Variants in DPP6 observed in about 807,000 individuals in gnomAD.
DPP6 encodes A-type potassium channel modulatory protein DPP6.
Under a neutral mutation model 122.6 loss-of-function variants are expected in DPP6, and 69 were observed. The observed-to-expected ratio is 0.56, with a 90% CI of 0.46 to 0.69. The LOEUF is 0.69. Among genes scored for constraint, DPP6 ranks in the 30% least tolerant of loss-of-function variants. The pLI is 0.00. For missense variants in DPP6, 928 were observed against 1,116.9 expected (o/e 0.83, Z 2.41); for synonymous variants, 418 against 433.1 (o/e 0.97, Z 0.43).
the DPP6 span, among the ~76,000 whole-genome samples, chr7:153,764,150 G>A: frequency 2.6e-5 from 4 of 152,010 alleles, no homozygotes; most frequent in African/African-American, 9.7e-5. Context: ...TAAAATGCCC[G>A]GCCTAGTCTA....
chr7:154,386,237 C>T (rs979763605), intron 1 of DPP6, among the ~76,000 whole-genome samples: 1 of 152,132 alleles, frequency 6.6e-6, no homozygotes, highest in African/African-American at 2.4e-5. Context: ...TCCATCCTCT[C>T]GCATTTCCAG....
chr7:153,970,423 C>A (rs1178812581), intron 1 of DPP6, among the ~76,000 whole-genome samples: 3 of 152,100 alleles, frequency 2.0e-5, no homozygotes, highest in Non-Finnish European at 4.4e-5. Context: ...ATAGCTTATT[C>A]CAATATGTGG....
chr7:154,851,128 G>A (rs1257069210), intron 16 of DPP6, among the ~76,000 whole-genome samples: 1 of 152,112 alleles, frequency 6.6e-6, no homozygotes, highest in Non-Finnish European at 1.5e-5. Flanking sequence ...TTTCTTTAGT[G>A]TCTTTTAGAA....
At chr7:154,200,279 G>A (rs993974582) in intron 1 of DPP6, among the ~76,000 whole-genome samples, 2 of 151,998 alleles carry the variant, frequency 1.3e-5, no homozygotes, top group African/African-American at 4.8e-5. Context: ...CATATAATTT[G>A]TAAAGAGCAA....
At chr7:153,851,391 A>G in the DPP6 span, among the ~76,000 whole-genome samples, 11 of 152,204 alleles carry the variant, frequency 7.2e-5, no homozygotes, top group African/African-American at 2.4e-4. Flanking sequence ...TACCCTGATT[A>G]AGTATAGAAT....
intron 16 of DPP6, among the ~76,000 whole-genome samples, chr7:154,837,374 TCA>T (rs1801170163): frequency 1.3e-5 from 2 of 152,004 alleles, no homozygotes; most frequent in African/African-American, 2.4e-5. Context: ...ACAGGCACAT[TCA>T]CACATGCACG....
intron 3 of DPP6, among the ~76,000 whole-genome samples, chr7:154,496,599 G>A (rs1824761185): frequency 6.6e-6 from 1 of 152,186 alleles, no homozygotes; most frequent in African/African-American, 2.4e-5. Flanking sequence ...TGTGCTGGGG[G>A]TCTTCGACTC....
intron 8 of DPP6, among the ~76,000 whole-genome samples, chr7:154,751,817 C>CA (rs1049793268): frequency 2.0e-5 from 3 of 151,826 alleles, no homozygotes; most frequent in Non-Finnish European, 4.4e-5. Context: ...GAAGAAGCAA[C>CA]GTGGGAGGGC....
chr7:154,609,036 C>T (rs758562323), intron 5 of DPP6, among the ~76,000 whole-genome samples: 9 of 152,224 alleles, frequency 5.9e-5, no homozygotes, highest in African/African-American at 1.2e-4. Context: ...GTAAGGTCAT[C>T]ACAACCTCAG....
At chr7:154,789,574 C>A (rs1015749458) in intron 10 of DPP6, among the ~76,000 whole-genome samples, 1 of 152,206 alleles carries the variant, frequency 6.6e-6, no homozygotes, top group Admixed American at 6.5e-5. Flanking sequence ...TTCTGTGTGT[C>A]TCTTTAGACA....
chr7:154,087,785 A>G (rs1804530655), intron 1 of DPP6, among the ~76,000 whole-genome samples: 1 of 152,240 alleles, frequency 6.6e-6, no homozygotes, highest in Non-Finnish European at 1.5e-5. Context: ...AGAAACTCAC[A>G]GGTATTTATT....
At chr7:153,759,310 T>C in the DPP6 span, among the ~76,000 whole-genome samples, 8 of 151,848 alleles carry the variant, frequency 5.3e-5, no homozygotes, top group Non-Finnish European at 8.8e-5. Flanking sequence ...GGGTATATAG[T>C]CTATAAATAA....
At chr7:154,145,196 C>A (rs1173364237) in intron 1 of DPP6, among the ~76,000 whole-genome samples, 9 of 152,136 alleles carry the variant, frequency 5.9e-5, no homozygotes, top group African/African-American at 2.2e-4. Context: ...AACACATGAG[C>A]CTTGCTTTTA....
intron 8 of DPP6, among the ~76,000 whole-genome samples, chr7:154,747,895 A>G (rs1333738407): frequency 1.3e-5 from 2 of 152,198 alleles, no homozygotes; most frequent in African/African-American, 2.4e-5. Context: ...ATTAGTAGTA[A>G]TAGTTGCTAT....
intron 16 of DPP6, among the ~76,000 whole-genome samples, chr7:154,851,637 C>T (rs1287096220): frequency 6.6e-5 from 10 of 152,190 alleles, no homozygotes; most frequent in Non-Finnish European, 7.3e-5. Flanking sequence ...TCGCTGTTCC[C>T]TCACTGGGTA....
chr7:154,035,682 A>C (rs1351260106), intron 1 of DPP6, among the ~76,000 whole-genome samples: 1 of 152,046 alleles, frequency 6.6e-6, no homozygotes, highest in Non-Finnish European at 1.5e-5. Context: ...TATGTGGAAA[A>C]TGTAAAAGCA....
intron 1 of DPP6, among the ~76,000 whole-genome samples, chr7:153,932,865 C>G (rs928349062): frequency 3.9e-5 from 6 of 152,144 alleles, no homozygotes; most frequent in Non-Finnish European, 7.3e-5. Context: ...TGAATTGTAG[C>G]TCCCATAATC....
intron 1 of DPP6, among the ~76,000 whole-genome samples, chr7:154,015,957 C>T (rs1189987029): frequency 2.0e-5 from 3 of 152,316 alleles, no homozygotes; most frequent in East Asian, 1.9e-4. Flanking sequence ...GGTGTGCACG[C>T]CCTGTTCCTC....
chr7:154,145,634 G>A (rs1218334616), intron 1 of DPP6, among the ~76,000 whole-genome samples: 16 of 131,988 alleles, frequency 1.2e-4, no homozygotes, highest in Admixed American at 3.3e-4. Flanking sequence ...CAGCTACGGA[G>A]GTGGAGTAGG....
Sources: allele counts gnomAD v4.1 joint callset (sites outside exome capture counted in the v4.1 genomes callset), GRCh38; gene constraint gnomAD v4.1.1; transcripts MANE v1.5; gene names NCBI Gene and HGNC (gene_info 2026-07-23, HGNC 2026-07-21).